UNKL: variants seen among roughly 807,000 people sequenced by gnomAD.
UNKL encodes unk like zinc finger.
A neutral mutation model predicts 78.0 loss-of-function variants in UNKL; 60 were observed. That is an observed-to-expected ratio of 0.77 (90% CI 0.63 to 0.95). The LOEUF (loss-of-function observed/expected upper bound fraction) is 0.95, where lower values mean the gene tolerates loss of function less well. UNKL is among the 40% of genes least tolerant of loss of function. The pLI is 0.00. For synonymous variants in UNKL, 608 were observed against 474.8 expected, an observed-to-expected ratio of 1.28 and a Z score of -3.65; for missense variants, 1,159 against 1,045.7, an observed-to-expected ratio of 1.11 and a Z score of -1.49.
At chr16:1,382,462 C>G (rs929628396) in intron 10 of UNKL, among the ~76,000 whole-genome samples, 2 of 152,196 alleles carry the variant, frequency 1.3e-5, no homozygotes, top group Admixed American at 1.3e-4. Context: ...GCCCCTGCCC[C>G]CGCCCCGACC....
chr16:1,400,350 G>A (rs202199592), intron 4 of UNKL, among the ~76,000 whole-genome samples: 14 of 145,766 alleles, frequency 9.6e-5, no homozygotes, highest in South Asian at 2.2e-4. Flanking sequence ...CCTGGCAGGC[G>A]GAGGTTGCAG....
Position 1,385,245 on chromosome 16 carries a change from C to A in UNKL, c.1227G>T (p.Pro409=), listed in dbSNP as rs569930948. The A allele has an allele frequency of 2.0e-3, 2,558 of 1,300,460 alleles. 6 individuals are homozygous for A. Among genetic ancestry groups the A allele is most frequent in the Admixed American group, 2.5e-3 (60 of 23,910 alleles). The allele number at this position is 1,300,460 out of a possible 1,614,324, so 80.6% of individuals were successfully genotyped here. A position where few individuals can be genotyped will look rare whatever the true frequency, so the allele number is the denominator to read the frequency against. The part of the protein sequence containing the change: ...ALPAPPARAL[P]LGPASSTVEA... The stretch of plus-strand genomic sequence containing the variant: ...CCACAGTGCTGCTGGCGGGGCCGAG[C>A]GGGAGGGCACGGGCGGGGGGCGCGG... The change falls in exon 10 of 15, where the codon CCG becomes CCT. Residue 409 remains proline (P), a synonymous_variant. Coordinates refer to ENST00000389221, the MANE Select transcript of UNKL (RefSeq NM_001372107.1).
rs2035283557 is a variant in UNKL, at chr16:1,366,683, C to T, written c.2047-288G>A. Among the ~76,000 whole-genome samples the T allele has an allele frequency of 3.3e-5, 5 of 152,328 alleles. No individual in the cohort carries two copies. The South Asian group carries it at 1.0e-3, about 32-fold the overall frequency. The stretch of plus-strand genomic sequence containing the variant: ...CAGGCCCCTGAGGGCAGCTGGGTGC[C>T]CAGGATGTGGGCTACGCAGGACCCT... On this transcript the variant is annotated intron_variant, in intron 14 of 14. Transcript: ENST00000389221.
intron 2 of UNKL, among the ~76,000 whole-genome samples, chr16:1,408,152 G>A (rs555040096): frequency 1.3e-5 from 2 of 152,162 alleles, no homozygotes; most frequent in Non-Finnish European, 2.9e-5. Context: ...CCGGGGTCCC[G>A]CGGGGCGCCT....
chr16:1,369,705 G>A (rs1336525674), intron 12 of UNKL, among the ~76,000 whole-genome samples: 1 of 152,216 alleles, frequency 6.6e-6, no homozygotes, highest in Non-Finnish European at 1.5e-5. Context: ...AAATAGCCGG[G>A]CACGGTGGCT....
chr16:1,381,616 A>G (rs2036610049), intron 10 of UNKL, among the ~76,000 whole-genome samples: 1 of 152,186 alleles, frequency 6.6e-6, no homozygotes, highest in African/African-American at 2.4e-5. Context: ...CAAGAAAAAA[A>G]AAGAACCTGC....
At chr16:1,392,086 C>T (rs1424379346) in intron 8 of UNKL, among the ~76,000 whole-genome samples, 1 of 152,186 alleles carries the variant, frequency 6.6e-6, no homozygotes, top group African/African-American at 2.4e-5. Flanking sequence ...CCAACCATGG[C>T]ATCAAACCCC....
intron 2 of UNKL, 53 bp downstream of exon 2, chr16:1,413,793 G>A (rs2038156739): frequency 6.8e-7 from 1 of 1,472,916 alleles, no homozygotes; most frequent in Non-Finnish European, 9.0e-7. Context: ...GCATCCCCGG[G>A]TGGAGGCCCC....
At chr16:1,383,976 C>T (rs543209932) in intron 10 of UNKL, 25 of 233,350 alleles carry the variant, frequency 1.1e-4, no homozygotes, top group African/African-American at 4.7e-4. Flanking sequence ...GAGCAGGGCC[C>T]GGCCTCACTG....
Position 1,366,292 on chromosome 16 carries a change from GCA to G in UNKL, c.2148_2149del (p.Ala717GlyfsTer5). ...GTAGGGGCACTCAGGTGCGGTGGCCGCACACGGCTCACAGAGGATGTGGTGCT... is the reference window on the plus strand; with the variant it reads ...GTAGGGGCACTCAGGTGCGGTGGCCGCACGGCTCACAGAGGATGTGGTGCT... On this transcript the variant is annotated frameshift_variant, in exon 15 of 15. Coordinates refer to ENST00000389221, the MANE Select transcript of UNKL (RefSeq NM_001372107.1). LOFTEE classifies it high-confidence loss of function. 1 of 1,596,516 alleles carries G rather than the reference GCA, an allele frequency of 6.3e-7. No homozygotes were observed. Among genetic ancestry groups the G allele is most frequent in the Non-Finnish European group, 8.5e-7 (1 of 1,173,122 alleles).
rs972294038 is a variant in UNKL, at chr16:1,366,327, C to T, written c.2115G>A (p.Arg705=). The T allele has an allele frequency of 5.0e-6, 8 of 1,603,746 alleles. No individual in the cohort carries two copies. The highest frequency in any genetic ancestry group is 5.1e-6 in the Non-Finnish European group (6 of 1,176,492). The change falls in exon 15 of 15, where the codon CGG becomes CGA. Residue 705 remains arginine (R), a synonymous_variant. Coordinates refer to ENST00000389221, the MANE Select transcript of UNKL (RefSeq NM_001372107.1). ...CRERAHGAVL[R]PCQHHILCEP... is the part of the protein sequence containing the mutation. ...CACAGAGGATGTGGTGCTGACAGGG[C>T]CGCAGGACAGCACCGTGGGCCCGCT...
At position 1,403,082 on chromosome 16, in the gene UNKL, G is replaced by A. The variant is rs1168816900; in HGVS notation, c.464+86C>T. Reference sequence around the variant, plus strand: ...CCAGCAGAGCCTGCAGCAGCAGGGAGGCGAGCCACTTGCCGAGTTCCTGCT... The same window carrying A: ...CCAGCAGAGCCTGCAGCAGCAGGGAAGCGAGCCACTTGCCGAGTTCCTGCT... On this transcript the variant is annotated intron_variant, in intron 3 of 14. Transcript: ENST00000389221. The surrounding 1 kb of genome is among the most constrained non-coding windows in gnomAD (Gnocchi z 4.8). The A allele has an allele frequency of 2.8e-6, 4 of 1,443,370 alleles. No homozygotes were observed. Among genetic ancestry groups the A allele is most frequent in the Non-Finnish European group, 3.7e-6 (4 of 1,082,908 alleles). The allele number at this position is 1,443,370 out of a possible 1,614,324, so 89.4% of individuals were successfully genotyped here. A position where few individuals can be genotyped will look rare whatever the true frequency, so the allele number is the denominator to read the frequency against.
Position 1,403,408 on chromosome 16 carries a change from T to C in UNKL, c.288-64A>G, listed in dbSNP as rs2037618849. 6.6e-7 allele frequency: 1 copy of C among 1,517,344 alleles called. No individual in the cohort carries two copies. Among genetic ancestry groups the C allele is most frequent in the Non-Finnish European group, 8.8e-7 (1 of 1,133,480 alleles). 94.0% of individuals were successfully genotyped at this position (1,517,344 alleles called of 1,614,324 possible). A position where few individuals can be genotyped will look rare whatever the true frequency, so the allele number is the denominator to read the frequency against. On this transcript the variant is annotated intron_variant, in intron 2 of 14. Transcript: ENST00000389221. This position sits in a 1 kb window ranked among gnomAD's most constrained non-coding sequence, Gnocchi z 4.8. ...GACCCAGAGGCAGCCCTAAGCTCCC[T>C]GGGTCCACGCCCTGTCAGCACGTGG... is the stretch of plus-strand genomic sequence containing the variant.
rs1197137930 is a variant in UNKL, at chr16:1,403,542, C to A, written c.288-198G>T. 6.6e-6 allele frequency among the ~76,000 whole-genome samples: 1 copy of A among 152,192 alleles called. No homozygotes were observed. Among genetic ancestry groups the A allele is most frequent in the Admixed American group, 6.5e-5 (1 of 15,272 alleles). On this transcript the variant is annotated intron_variant, in intron 2 of 14. Transcript: ENST00000389221. The surrounding 1 kb of genome is among the most constrained non-coding windows in gnomAD (Gnocchi z 4.8). ...ATGTGGAACCGCCCAGGTACACAGA[C>A]CACCGCAAACCCCCAGTCAACCAGT...
rs973863350 is a variant in UNKL, at chr16:1,399,195, G to A, written c.734+179C>T. 34 of 1,190,276 alleles carry A rather than the reference G, an allele frequency of 2.9e-5. 1 individual carries two copies. Among genetic ancestry groups the A allele is most frequent in the South Asian group, 1.5e-4 (9 of 61,412 alleles). 73.7% of individuals were successfully genotyped at this position (1,190,276 alleles called of 1,614,324 possible). On this transcript the variant is annotated intron_variant, in intron 5 of 14. Transcript: ENST00000389221. This position sits in a 1 kb window ranked among gnomAD's most constrained non-coding sequence, Gnocchi z 5.8. ...GGGGAGGCCCATCCCCAGGACAGAC[G>A]CGTGGGCCTCCATGGCACCTCCCAC...
At chr16:1,379,543 G>A (rs1435245599) in intron 10 of UNKL, 4 of 985,130 alleles carry the variant, frequency 4.1e-6, no homozygotes, top group Non-Finnish European at 4.8e-6. Context: ...CTGGCGGGGG[G>A]CGCACCTAAG....
At chr16:1,392,845 A>G (rs189658805) in intron 8 of UNKL, 46 bp downstream of exon 8, 21 of 1,546,010 alleles carry the variant, frequency 1.4e-5, no homozygotes, top group Non-Finnish European at 1.8e-5. Context: ...GAGTTCAATT[A>G]AACCAAAGGA....
intron 10 of UNKL, among the ~76,000 whole-genome samples, chr16:1,379,852 G>A (rs1284089092): frequency 6.6e-6 from 1 of 152,154 alleles, no homozygotes; most frequent in South Asian, 2.1e-4. Flanking sequence ...GGGCAAGTGG[G>A]CGCGGGCAGC....
intron 6 of UNKL, chr16:1,395,511 A>T (rs1477624859): frequency 9.0e-6 from 3 of 331,590 alleles, no homozygotes; most frequent in Admixed American, 3.7e-5. Flanking sequence ...TGGCAACTAC[A>T]CGGCTGGGTG....
Sources: gnomAD v4.1 joint callset for allele counts (sites outside exome capture counted in the v4.1 genomes callset) on GRCh38, gnomAD v4.1.1 for gene constraint, Gnocchi (gnomAD v3.1) non-coding constraint, MANE v1.5 for transcripts, NCBI Gene and HGNC (gene_info 2026-07-23, HGNC 2026-07-21) for gene names.